Variants in SLC6A5 observed in about 807,000 individuals in gnomAD.
SLC6A5 encodes the protein sodium- and chloride-dependent glycine transporter 2.
Under a neutral mutation model 90.5 loss-of-function variants are expected in SLC6A5, and 58 were observed. That is an observed-to-expected ratio of 0.64 (90% CI 0.52 to 0.80). SLC6A5 has a LOEUF of 0.80. SLC6A5 is among the 30% of genes least tolerant of loss of function. The pLI, the probability that SLC6A5 is intolerant of heterozygous loss-of-function variation, is 0.00. For missense variants in SLC6A5, 1,015 were observed against 1,017.6 expected (o/e 1.00, Z 0.03); for synonymous variants, 427 against 401.4 (o/e 1.06, Z -0.76).
At position 20,646,862 on chromosome 11, in the gene SLC6A5, G is replaced by C. The variant is rs746079997; in HGVS notation, c.1998G>C (p.Glu666Asp). The change falls in exon 14 of 16, where the codon GAG becomes GAC. Residue 666 changes from glutamate to aspartate, a missense_variant. Glu to Asp is a conservative substitution (Grantham distance 45). Coordinates refer to ENST00000525748, the MANE Select transcript of SLC6A5 (RefSeq NM_004211.5). ...TGCAAAGATTCTGTGAAGATATAGA[G>C]ATGATGATTGGATTCCAGCCTAACA... ...YGLQRFCEDI[E>D]MMIGFQPNIF... 1 of 1,613,648 alleles carries C rather than the reference G, an allele frequency of 6.2e-7. No homozygotes were observed. The highest frequency in any genetic ancestry group is 1.1e-5 in the South Asian group (1 of 91,060).
chr11:20,614,750 A>C lies in SLC6A5; in HGVS notation c.1057A>C (p.Asn353His). The C allele has an allele frequency of 6.2e-7, 1 of 1,614,008 alleles. No individual in the cohort carries two copies. The highest frequency in any genetic ancestry group is 1.1e-5 in the South Asian group (1 of 91,076). The change falls in exon 6 of 16, where the codon AAC (asparagine) becomes CAC (histidine). Residue 353 changes from asparagine to histidine, a missense_variant. This residue lies in a region of SLC6A5 where 567 missense variants were observed against 507.3 expected (regional missense o/e 1.12). Transcript: ENST00000525748. ...GACTTTCTGCATGACCGCTTATCCC[A>C]ACGTGACAATGGTTAATTTCACCAG... The part of the protein sequence containing the change: ...NSTFCMTAYP[N>H]VTMVNFTSQA...
chr11:20,604,158 G>C (rs1015676169), intron 2 of SLC6A5, 128 bp from the exon 3 acceptor site: 7 of 1,192,630 alleles, frequency 5.9e-6, no homozygotes, highest in Non-Finnish European at 7.1e-6. Flanking sequence ...CCTGCTTGCT[G>C]ATGCATCCTC....
chr11:20,622,383 C>T (rs988927708), intron 7 of SLC6A5, among the ~76,000 whole-genome samples: 6 of 152,132 alleles, frequency 3.9e-5, no homozygotes, highest in Non-Finnish European at 7.3e-5. Flanking sequence ...AGTGCAGGGC[C>T]GGCACCTGAC....
chr11:20,646,969 AC>A, intron 14 of SLC6A5, 35 bp downstream of exon 14: 1 of 1,299,260 alleles, frequency 7.7e-7, no homozygotes, highest in Non-Finnish European at 1.1e-6. Flanking sequence ...TGCAGACAGC[AC>A]CTTGCATACG....
intron 1 of SLC6A5, among the ~76,000 whole-genome samples, chr11:20,600,374 AG>A (rs1852440693): frequency 6.7e-6 from 1 of 150,000 alleles, no homozygotes; most frequent in Admixed American, 6.6e-5. Context: ...AAGAAGAAGA[AG>A]AAGAAGAAGA....
rs376635388 is a variant in SLC6A5, at chr11:20,606,996, C to A, written c.680-11C>A. ...CCTCCTAGGGCTCTCACTCCCCACTCTCTTTCCAAGGTGCTTTCCTCATCC... is the reference window on the plus strand; with the variant it reads ...CCTCCTAGGGCTCTCACTCCCCACTATCTTTCCAAGGTGCTTTCCTCATCC... On this transcript the variant is annotated splice_polypyrimidine_tract_variant and intron_variant, in intron 3 of 15. Coordinates refer to ENST00000525748, the MANE Select transcript of SLC6A5 (RefSeq NM_004211.5). The A allele has an allele frequency of 9.9e-6, 16 of 1,613,972 alleles. No individual in the cohort carries two copies. Among genetic ancestry groups the A allele is most frequent in the Admixed American group, 1.7e-5 (1 of 59,992 alleles).
At chr11:20,629,265 C>T (rs1054814219) in intron 9 of SLC6A5, 2 of 152,130 alleles carry the variant, frequency 1.3e-5, no homozygotes, top group Non-Finnish European at 2.9e-5. Flanking sequence ...CTTCTCAACC[C>T]TGTGTGTCCC....
Position 20,601,203 on chromosome 11 carries a change from G to T in SLC6A5, c.78G>T (p.Pro26=). 4 of 1,568,070 alleles carry T rather than the reference G, an allele frequency of 2.6e-6. No homozygotes were observed. The highest frequency in any genetic ancestry group is 2.6e-6 in the Non-Finnish European group (3 of 1,163,940). Residue 26 remains proline (P), a synonymous_variant, in exon 2 of 16, where the codon CCG becomes CCT. Transcript: ENST00000525748. ...SPEAAAAQGH[P]DGPCAPRTSP... ...AGGCGGCGGCGGCGCAGGGCCACCC[G>T]GATGGCCCATGCGCTCCCAGGACGA...
At chr11:20,602,224 T>C (rs1244876957) in intron 2 of SLC6A5, among the ~76,000 whole-genome samples, 1 of 152,208 alleles carries the variant, frequency 6.6e-6, no homozygotes, top group Non-Finnish European at 1.5e-5. Context: ...GTCCTTTGCC[T>C]GGGTCCTTCC....
chr11:20,652,062 C>T (rs1481784005), intron 14 of SLC6A5, among the ~76,000 whole-genome samples: 3 of 152,126 alleles, frequency 2.0e-5, no homozygotes, highest in Admixed American at 6.5e-5. Flanking sequence ...CATATTGCTC[C>T]GCTCCCATGG....
In SLC6A5 at chr11:20,654,840, A is replaced by G. The variant is rs543307278; in HGVS notation, c.2366A>G (p.Lys789Arg). 5.5e-4 allele frequency: 890 copies of G among 1,614,174 alleles called. 13 individuals carry two copies. The South Asian group carries it at 9.2e-3, about 17-fold the overall frequency. ...TSSLGLKLPV[K>R]DLELGTQC is the part of the protein sequence containing the mutation. ...TCCTTGGGACTCAAACTGCCAGTGA[A>G]GGATTTGGAACTGGGCACTCAGTGC... Residue 789 changes from lysine (K) to arginine (R), a missense_variant, in exon 16 of 16, where the codon AAG (lysine) becomes AGG (arginine). Coordinates refer to ENST00000525748, the MANE Select transcript of SLC6A5 (RefSeq NM_004211.5).
At chr11:20,630,650 C>G (rs1162776541) in intron 9 of SLC6A5, 41 bp from the exon 10 acceptor site, 1 of 1,613,164 alleles carries the variant, frequency 6.2e-7, no homozygotes, top group Non-Finnish European at 8.5e-7. Context: ...TTTCCACTCA[C>G]CAAGCACACC....
At chr11:20,606,820 G>A (rs968761180) in intron 3 of SLC6A5, among the ~76,000 whole-genome samples, 187 bp from the exon 4 acceptor site, 6 of 152,170 alleles carry the variant, frequency 3.9e-5, no homozygotes, top group African/African-American at 1.2e-4. Context: ...ATACTTTTTG[G>A]AGGAAGGCTC....
At chr11:20,614,875 A>C in intron 6 of SLC6A5, 55 bp downstream of exon 6, 1 of 1,513,154 alleles carries the variant, frequency 6.6e-7, no homozygotes, top group Non-Finnish European at 9.2e-7. Flanking sequence ...CAGTGAATTA[A>C]TAAATATTCA....
At chr11:20,637,817 A>G (rs949555738) in intron 12 of SLC6A5, among the ~76,000 whole-genome samples, 1 of 152,370 alleles carries the variant, frequency 6.6e-6, no homozygotes, top group African/African-American at 2.4e-5. Flanking sequence ...AATGTCATGT[A>G]TGAGTCAACA....
intron 10 of SLC6A5, among the ~76,000 whole-genome samples, 189 bp downstream of exon 10, chr11:20,631,004 G>C (rs1853099707): frequency 6.6e-6 from 1 of 152,166 alleles, no homozygotes; most frequent in South Asian, 2.1e-4. Flanking sequence ...AGAACTGGCT[G>C]GTCTCTAACT....
rs150652189 is a variant in SLC6A5 at position 20,645,635 on chromosome 11, G to GT, written c.1970-1178dup. 7.3e-3 allele frequency among the ~76,000 whole-genome samples: 695 copies of GT among 94,674 alleles called. 13 individuals are homozygous for GT. The highest frequency in any genetic ancestry group is 0.022 in the African/African-American group (542 of 24,960). 62.1% of individuals were successfully genotyped at this position (94,674 alleles called of 152,430 possible). On this transcript the variant is annotated intron_variant, in intron 13 of 15. Coordinates refer to ENST00000525748, the MANE Select transcript of SLC6A5 (RefSeq NM_004211.5). ...ATGGAGGATGAAGGAATGATGAAGT[G>GT]TTTTTTTTTTTTTTTTTTTTTGAGA...
chr11:20,644,509 T>G (rs1853372769), intron 13 of SLC6A5, among the ~76,000 whole-genome samples: 1 of 152,256 alleles, frequency 6.6e-6, no homozygotes, highest in Non-Finnish European at 1.5e-5. Context: ...ATTCCATTGA[T>G]GCTGCAATAA....
chr11:20,616,732 C>T (rs1449415855), intron 6 of SLC6A5, among the ~76,000 whole-genome samples: 2 of 152,172 alleles, frequency 1.3e-5, no homozygotes, highest in Non-Finnish European at 2.9e-5. Context: ...GAAAGAGGCT[C>T]TGTCTGCACA....
Sources: allele counts gnomAD v4.1 joint callset (sites outside exome capture counted in the v4.1 genomes callset), GRCh38; gene constraint gnomAD v4.1.1; regional missense constraint gnomAD v4.1.1; transcripts MANE v1.5; gene names NCBI Gene and HGNC (gene_info 2026-07-23, HGNC 2026-07-21).